Variants in ARHGEF7 observed in about 807,000 individuals in gnomAD.
ARHGEF7 encodes the protein PAK-interacting exchange factor beta.
Under a neutral mutation model 109.8 loss-of-function variants are expected in ARHGEF7, and 33 were observed. The ratio of observed to expected loss-of-function variants is 0.30; its 90% CI spans 0.23 to 0.40. The LOEUF (loss-of-function observed/expected upper bound fraction) is 0.40. Among genes scored for constraint, ARHGEF7 ranks in the 10% least tolerant of loss-of-function variants. The pLI is 1.00. For missense variants in ARHGEF7, 938 were observed against 1,098.5 expected (o/e 0.85, Z 2.07); for synonymous variants, 458 against 424.6 (o/e 1.08, Z -0.97).
At chr13:111,128,067 G>C (rs1190153318) in intron 1 of ARHGEF7, among the ~76,000 whole-genome samples, 4 of 152,134 alleles carry the variant, frequency 2.6e-5, no homozygotes, top group African/African-American at 9.7e-5. Flanking sequence ...TCCTCAACAT[G>C]CTAAGGGGCA....
chr13:111,288,400 A>C lies in ARHGEF7; in HGVS notation c.2091A>C (p.Glu697Asp), dbSNP rs759248638. ...ATGCTCAGATTCTGAAAGTCATTGA[A>C]GCTTACTGCACCAGCGCCAAAACAA... is the stretch of plus-strand genomic sequence containing the variant. ...EEDAQILKVI[E>D]AYCTSAKTRQ... The change falls in exon 18 of 22, where the codon GAA (glutamate) becomes GAC (aspartate). Residue 697 changes from glutamate (E) to aspartate (D), a missense_variant. Coordinates refer to ENST00000646102, the MANE Select transcript of ARHGEF7 (RefSeq NM_001354046.2). The C allele has an allele frequency of 6.2e-7, 1 of 1,613,922 alleles. No individual in the cohort carries two copies. Among genetic ancestry groups the C allele is most frequent in the South Asian group, 1.1e-5 (1 of 91,042 alleles).
At chr13:111,193,261 A>T (rs904291098) in intron 2 of ARHGEF7, among the ~76,000 whole-genome samples, 2 of 152,204 alleles carry the variant, frequency 1.3e-5, no homozygotes, top group African/African-American at 4.8e-5. Context: ...GTTGGGGAAT[A>T]CTGGGGCTTA....
At chr13:111,197,898 G>T (rs979447022) in intron 2 of ARHGEF7, among the ~76,000 whole-genome samples, 2 of 152,168 alleles carry the variant, frequency 1.3e-5, no homozygotes, top group African/African-American at 4.8e-5. Context: ...GAGGACGTTT[G>T]TCTGACAGGC....
intron 2 of ARHGEF7, among the ~76,000 whole-genome samples, chr13:111,186,089 C>G (rs2079229070): frequency 6.6e-6 from 1 of 151,756 alleles, no homozygotes. Flanking sequence ...ATGCCGTGGT[C>G]CTAAGCAGGG....
chr13:111,276,932 G>A (rs1030397288), intron 12 of ARHGEF7, among the ~76,000 whole-genome samples: 2 of 151,918 alleles, frequency 1.3e-5, no homozygotes, highest in Admixed American at 6.6e-5. Context: ...TTCACTTATG[G>A]TCTCTTTGGC....
At chr13:111,237,197 T>G (rs1202661452) in intron 6 of ARHGEF7, among the ~76,000 whole-genome samples, 4 of 152,238 alleles carry the variant, frequency 2.6e-5, no homozygotes, top group Admixed American at 2.6e-4. Flanking sequence ...ATTGGAATGT[T>G]ATTTGCATCA....
chr13:111,199,589 C>T (rs74540699), intron 2 of ARHGEF7, among the ~76,000 whole-genome samples: 129 of 152,296 alleles, frequency 8.5e-4, no homozygotes, highest in African/African-American at 3.0e-3. Context: ...CAAATGAGTC[C>T]TCCTTTTGTC....
chr13:111,183,086 T>C (rs1428572330), intron 2 of ARHGEF7, among the ~76,000 whole-genome samples: 1 of 152,210 alleles, frequency 6.6e-6, no homozygotes, highest in Non-Finnish European at 1.5e-5. Context: ...TAACAGGATG[T>C]ACCCCATTGT....
chr13:111,267,521 A>C (rs183994348), intron 8 of ARHGEF7, 27 bp from the exon 9 acceptor site: 1 of 1,612,800 alleles, frequency 6.2e-7, no homozygotes, highest in Non-Finnish European at 8.5e-7. Flanking sequence ...ACTGATGACT[A>C]TTTCCCTTTG....
chr13:111,153,526 T>TG (rs2076019658), intron 1 of ARHGEF7: 2 of 726,484 alleles, frequency 2.8e-6, no homozygotes, highest in Non-Finnish European at 3.5e-6. Flanking sequence ...GGCCCAGCAC[T>TG]GGGCCAGAGG....
rs61967971 is a variant in ARHGEF7 at position 111,228,638 on chromosome 13, C to T, written c.671-4567C>T. Among the ~76,000 whole-genome samples, 4,008 of 152,270 alleles carry T rather than the reference C, an allele frequency of 0.026. 75 individuals are homozygous for T. Among genetic ancestry groups the T allele is most frequent in the Middle Eastern group, 0.044 (13 of 294 alleles). On this transcript the variant is annotated intron_variant, in intron 5 of 21. Transcript: ENST00000646102. The surrounding 1 kb of genome is among the most constrained non-coding windows in gnomAD (Gnocchi z 4.6). ...AAGATCGAGCGTCTTAGCAGATCATCCCTTGAACAACTCGGAGGACGTCAC... is the reference window on the plus strand; with the variant it reads ...AAGATCGAGCGTCTTAGCAGATCATTCCTTGAACAACTCGGAGGACGTCAC...
chr13:111,128,121 CTAAA>C (rs2067699949), intron 1 of ARHGEF7, among the ~76,000 whole-genome samples: 1 of 152,164 alleles, frequency 6.6e-6, no homozygotes, highest in African/African-American at 2.4e-5. Context: ...TGGTGAAAGA[CTAAA>C]AGCTTTCCCC....
intron 4 of ARHGEF7, among the ~76,000 whole-genome samples, chr13:111,216,465 G>A (rs2083156918): frequency 6.6e-6 from 1 of 151,814 alleles, no homozygotes; most frequent in African/African-American, 2.4e-5. Flanking sequence ...TGGGGATAGA[G>A]GCCTGGACTC....
chr13:111,261,490 A>G (rs1028220129), intron 8 of ARHGEF7, among the ~76,000 whole-genome samples: 1 of 152,130 alleles, frequency 6.6e-6, no homozygotes, highest in African/African-American at 2.4e-5. Context: ...CTAAAGATAA[A>G]CCCCAATACA....
chr13:111,188,853 G>T (rs61966724), intron 2 of ARHGEF7, among the ~76,000 whole-genome samples: 1,944 of 152,244 alleles, frequency 0.013, 24 homozygotes, highest in Non-Finnish European at 0.018. Flanking sequence ...GTTTTTGCAG[G>T]ATGCATTTCC....
Position 111,153,997 on chromosome 13 carries a change from C to G in ARHGEF7, c.252+6C>G. 6.3e-7 allele frequency: 1 copy of G among 1,596,556 alleles called. No individual in the cohort carries two copies. On this transcript the variant is annotated splice_donor_region_variant and intron_variant, in intron 2 of 21. Coordinates refer to ENST00000646102, the MANE Select transcript of ARHGEF7 (RefSeq NM_001354046.2). ...GGGCTTCCCTGCGGCTGGAGGTGAGCGCGGGCGGCCACGGGCCGAGGGAGG... is the reference window on the plus strand; with the variant it reads ...GGGCTTCCCTGCGGCTGGAGGTGAGGGCGGGCGGCCACGGGCCGAGGGAGG...
In ARHGEF7 at chr13:111,255,827, G is replaced by C. The variant is rs374698311; in HGVS notation, c.950+11533G>C. Among the ~76,000 whole-genome samples the C allele has an allele frequency of 6.6e-6, 1 of 152,222 alleles. No individual in the cohort carries two copies. The highest frequency in any genetic ancestry group is 2.1e-4 in the South Asian group (1 of 4,804). On this transcript the variant is annotated intron_variant, in intron 8 of 21. Transcript: ENST00000646102. This position sits in a 1 kb window ranked among gnomAD's most constrained non-coding sequence, Gnocchi z 4.1. ...TTTTTCCTGTGGAAGGTGGGGTCAT[G>C]GTGCTTTCTTTTCAGTGCTGCGTTT...
rs545219518 is a variant in ARHGEF7, at chr13:111,239,548, C to G, written c.760-4324C>G. Among the ~76,000 whole-genome samples the G allele has an allele frequency of 2.6e-5, 4 of 152,258 alleles. No homozygotes were observed. In the South Asian group the frequency reaches 8.3e-4, roughly 32 times the overall value. Reference sequence around the variant, plus strand: ...CCCTGGCGTTGCTTCGTCTCTTCATCTTCTGCTTTGCCCTTGGCTTTTCTC... The same window carrying G: ...CCCTGGCGTTGCTTCGTCTCTTCATGTTCTGCTTTGCCCTTGGCTTTTCTC... On this transcript the variant is annotated intron_variant, in intron 6 of 21. Transcript: ENST00000646102. This position sits in a 1 kb window ranked among gnomAD's most constrained non-coding sequence, Gnocchi z 4.3.
intron 9 of ARHGEF7, among the ~76,000 whole-genome samples, chr13:111,268,895 T>C (rs2091899265): frequency 6.6e-6 from 1 of 152,248 alleles, no homozygotes; most frequent in African/African-American, 2.4e-5. Context: ...CCTGGATAGT[T>C]ACTGTTTCCT....
Sources: allele counts gnomAD v4.1 joint callset (sites outside exome capture counted in the v4.1 genomes callset), GRCh38; gene constraint gnomAD v4.1.1; non-coding constraint Gnocchi (gnomAD v3.1); transcripts MANE v1.5; gene names NCBI Gene and HGNC (gene_info 2026-07-23, HGNC 2026-07-21).